The following MYRIP variants were observed in gnomAD, a reference collection of about 807,000 sequenced individuals.
MYRIP encodes rab effector MyRIP.
A neutral mutation model predicts 98.0 loss-of-function variants in MYRIP; 49 were observed. That is an observed-to-expected ratio of 0.50 (90% CI 0.40 to 0.63). The LOEUF (loss-of-function observed/expected upper bound fraction) is 0.63. Among genes scored for constraint, MYRIP ranks in the 30% least tolerant of loss-of-function variants. The pLI is 0.00. For missense variants in MYRIP, 1,004 were observed against 1,058.2 expected, an observed-to-expected ratio of 0.95 and a Z score of 0.71; for synonymous variants, 404 against 409.5, an observed-to-expected ratio of 0.99 and a Z score of 0.16.
Position 40,258,235 on chromosome 3 carries a change from C to T in MYRIP, c.*69C>T. On this transcript the variant is annotated 3_prime_UTR_variant, in exon 17 of 17. Transcript: ENST00000302541. ...ACACGACAGTGCCTTGACCCAACAG[C>T]CATCGAGTACTGTATGTATTTCCAC... 2 of 1,564,366 alleles carry T rather than the reference C, an allele frequency of 1.3e-6. No individual in the cohort carries two copies. Among genetic ancestry groups the T allele is most frequent in the Non-Finnish European group, 1.8e-6 (2 of 1,134,988 alleles).
chr3:39,895,194 C>CT lies in MYRIP; in HGVS notation c.-30-5583dup, dbSNP rs563073283. ...AGATTTTTGCTTGCATTTTTTTTTT[C>CT]TTTTTTTTTTGAGGCGGAGTCTCAC... is the stretch of plus-strand genomic sequence containing the variant. On this transcript the variant is annotated intron_variant, in intron 1 of 16. Coordinates refer to ENST00000302541, the MANE Select transcript of MYRIP (RefSeq NM_015460.4). Among the ~76,000 whole-genome samples, 533 of 140,270 alleles carry CT rather than the reference C, an allele frequency of 3.8e-3. 1 individual carries two copies. The highest frequency in any genetic ancestry group is 0.012 in the African/African-American group (462 of 38,100). The allele number at this position is 140,270 out of a possible 152,430, so 92.0% of individuals were successfully genotyped here. A position where few individuals can be genotyped will look rare whatever the true frequency, so the allele number is the denominator to read the frequency against.
At chr3:40,137,462 G>T (rs999261718) in intron 3 of MYRIP, among the ~76,000 whole-genome samples, 1 of 152,164 alleles carries the variant, frequency 6.6e-6, no homozygotes, top group African/African-American at 2.4e-5. Context: ...GGTACAAGGA[G>T]GAACTGGTAC....
intron 4 of MYRIP, among the ~76,000 whole-genome samples, chr3:40,159,509 T>C (rs1373186739): frequency 4.6e-5 from 7 of 151,658 alleles, no homozygotes; most frequent in Admixed American, 2.0e-4. Flanking sequence ...CTTTGTGGCA[T>C]TCTCTGTATT....
chr3:40,204,811 G>A (rs1951749943), intron 10 of MYRIP, among the ~76,000 whole-genome samples: 1 of 152,116 alleles, frequency 6.6e-6, no homozygotes. Flanking sequence ...ACTCTGCAGT[G>A]ATGGGGACCC....
In MYRIP at chr3:39,889,611, A is replaced by C. The variant is rs1943425461; in HGVS notation, c.-30-11176A>C. ...GAGTTAGTGGGTGCAGTGCACCAGC[A>C]TGGCACATGTATACATATGTAACTA... On this transcript the variant is annotated intron_variant, in intron 1 of 16. Transcript: ENST00000302541. Among the ~76,000 whole-genome samples the C allele has an allele frequency of 4.6e-5, 7 of 152,208 alleles. 1 individual carries two copies. In the South Asian group the frequency reaches 1.4e-3, roughly 32 times the overall value.
At chr3:39,945,309 C>CAAA (rs57600928) in intron 2 of MYRIP, among the ~76,000 whole-genome samples, 5 of 42,942 alleles carry the variant, frequency 1.2e-4, no homozygotes, top group Non-Finnish European at 2.4e-4. Flanking sequence ...ATCTCTACTA[C>CAAA]AAAAAAAAAA....
At chr3:40,218,162 T>A (rs1399640211) in intron 11 of MYRIP, among the ~76,000 whole-genome samples, 1 of 152,098 alleles carries the variant, frequency 6.6e-6, no homozygotes, top group Non-Finnish European at 1.5e-5. Context: ...TAAAGACCTA[T>A]GTCCACACAC....
chr3:39,898,870 TTAAG>T (rs1381100885), intron 1 of MYRIP, among the ~76,000 whole-genome samples: 1 of 152,184 alleles, frequency 6.6e-6, no homozygotes, highest in African/African-American at 2.4e-5. Flanking sequence ...GAACAATGCT[TTAAG>T]TATTTGCTTT....
intron 2 of MYRIP, among the ~76,000 whole-genome samples, chr3:39,923,412 A>C (rs1020756041): frequency 7.2e-5 from 11 of 152,172 alleles, no homozygotes; most frequent in African/African-American, 2.7e-4. Flanking sequence ...TACTCTTGAA[A>C]ACAGAGAAAA....
intron 2 of MYRIP, among the ~76,000 whole-genome samples, chr3:39,969,391 T>A (rs1945520893): frequency 6.6e-6 from 1 of 152,184 alleles, no homozygotes; most frequent in Non-Finnish European, 1.5e-5. Context: ...GGCATCCTTG[T>A]CATGTGCTAG....
intron 1 of MYRIP, among the ~76,000 whole-genome samples, chr3:39,852,982 A>C (rs1380303323): frequency 6.6e-6 from 1 of 152,112 alleles, no homozygotes; most frequent in Non-Finnish European, 1.5e-5. Flanking sequence ...GGGTTTCATC[A>C]TGTTGGTCAG....
chr3:39,916,949 C>T (rs150138188), intron 2 of MYRIP, among the ~76,000 whole-genome samples: 1 of 151,966 alleles, frequency 6.6e-6, no homozygotes, highest in East Asian at 1.9e-4. Flanking sequence ...ATTTCAATAC[C>T]CCAAATCAAA....
intron 1 of MYRIP, among the ~76,000 whole-genome samples, chr3:39,879,388 C>G (rs548748961): frequency 7.0e-6 from 1 of 142,006 alleles, no homozygotes; most frequent in African/African-American, 2.6e-5. Flanking sequence ...TTTTTTTTTT[C>G]TATTTCCTCA....
At chr3:40,203,858 TA>T (rs1559450958) in intron 10 of MYRIP, among the ~76,000 whole-genome samples, 1 of 6,074 alleles carries the variant, frequency 1.6e-4, no homozygotes, top group Non-Finnish European at 3.5e-4. Context: ...TTTATATTTT[TA>T]TATATATTTA....
At chr3:39,885,194 A>G (rs530992662) in intron 1 of MYRIP, among the ~76,000 whole-genome samples, 7 of 151,054 alleles carry the variant, frequency 4.6e-5, no homozygotes, top group Non-Finnish European at 8.9e-5. Flanking sequence ...TTCCTTTGCT[A>G]TTTTTCTCTT....
intron 2 of MYRIP, among the ~76,000 whole-genome samples, chr3:39,941,545 G>A (rs1944786059): frequency 6.6e-6 from 1 of 151,308 alleles, no homozygotes; most frequent in Non-Finnish European, 1.5e-5. Flanking sequence ...TTTTACAGTA[G>A]ACTGACTTTT....
chr3:40,075,890 T>C (rs1419335722), intron 3 of MYRIP, among the ~76,000 whole-genome samples: 3 of 152,100 alleles, frequency 2.0e-5, no homozygotes, highest in African/African-American at 7.2e-5. Context: ...TCAGGAAAGC[T>C]AATCTGTGAT....
chr3:39,943,317 C>T (rs1235453240), intron 2 of MYRIP, among the ~76,000 whole-genome samples: 1 of 152,156 alleles, frequency 6.6e-6, no homozygotes, highest in Non-Finnish European at 1.5e-5. Context: ...TTTATGATGA[C>T]TCCATCCAAT....
Position 40,038,879 on chromosome 3 carries a change from C to T in MYRIP, c.111-5171C>T, listed in dbSNP as rs376664012. The stretch of plus-strand genomic sequence containing the variant: ...TGCAGCCATTTTTTACCAGTTAGGT[C>T]GCAGCTTTGGATAATTTTCCTCTAA... On this transcript the variant is annotated intron_variant, in intron 2 of 16. Coordinates refer to ENST00000302541, the MANE Select transcript of MYRIP (RefSeq NM_015460.4). Among the ~76,000 whole-genome samples, 76 of 152,098 alleles carry T rather than the reference C, an allele frequency of 5.0e-4. 1 individual carries two copies. The highest frequency in any genetic ancestry group is 1.6e-3 in the African/African-American group (66 of 41,496).
Sources: gnomAD v4.1 joint callset for allele counts (sites outside exome capture counted in the v4.1 genomes callset) on GRCh38, gnomAD v4.1.1 for gene constraint, MANE v1.5 for transcripts, NCBI Gene and HGNC (gene_info 2026-07-23, HGNC 2026-07-21) for gene names.